The following STARD13 variants were observed in gnomAD, a reference collection of about 807,000 sequenced individuals.
STARD13 encodes stAR-related lipid transfer protein 13.
STARD13 carries 62 observed loss-of-function variants against 106.4 expected under a neutral mutation model. The ratio of observed to expected loss-of-function variants is 0.58; its 90% CI spans 0.48 to 0.72. The LOEUF (loss-of-function observed/expected upper bound fraction) is 0.72. STARD13 is among the 30% of genes least tolerant of loss of function. The pLI is 0.00. For synonymous variants in STARD13, 565 were observed against 553.0 expected (o/e 1.02, Z -0.31); for missense variants, 1,387 against 1,424.0 (o/e 0.97, Z 0.42).
chr13:33,340,624 C>T (rs559124069), intron 1 of STARD13, among the ~76,000 whole-genome samples: 3 of 152,230 alleles, frequency 2.0e-5, no homozygotes, highest in South Asian at 4.1e-4. Flanking sequence ...ACACAATATG[C>T]CATGATGCAC....
upstream of STARD13, among the ~76,000 whole-genome samples, chr13:33,287,112 CAT>C (rs1340522787): frequency 6.6e-6 from 1 of 152,144 alleles, no homozygotes; most frequent in Admixed American, 6.5e-5. Context: ...CTGACGGAAA[CAT>C]AGCCTGGCTG....
chr13:33,240,851 A>T (rs1460144420), intron 1 of STARD13, among the ~76,000 whole-genome samples: 2 of 151,964 alleles, frequency 1.3e-5, no homozygotes, highest in African/African-American at 2.4e-5. Flanking sequence ...TGTTTTCTTA[A>T]TTTCATTTTC....
chr13:33,524,561 GAGATC>G, the STARD13 span, among the ~76,000 whole-genome samples: 1 of 151,896 alleles, frequency 6.6e-6, no homozygotes, highest in Non-Finnish European at 1.5e-5. Flanking sequence ...TTTGGTTAGT[GAGATC>G]AGCCCCAGTA....
At chr13:33,316,932 G>T (rs1370605887) in intron 1 of STARD13, among the ~76,000 whole-genome samples, 1 of 152,102 alleles carries the variant, frequency 6.6e-6, no homozygotes, top group Non-Finnish European at 1.5e-5. Flanking sequence ...CGACCTCTCA[G>T]AAGTTTTTTG....
chr13:33,510,076 T>C, the STARD13 span, among the ~76,000 whole-genome samples: 3 of 152,200 alleles, frequency 2.0e-5, no homozygotes, highest in Non-Finnish European at 2.9e-5. Flanking sequence ...GTTGCCCTTC[T>C]CGCCTTTTCC....
the STARD13 span, among the ~76,000 whole-genome samples, chr13:33,519,261 TTTCTTTC>T: frequency 4.7e-5 from 7 of 148,248 alleles, no homozygotes; most frequent in Non-Finnish European, 1.0e-4. Flanking sequence ...TCTTTCTTTC[TTTCTTTC>T]TTTCTTTTCT....
chr13:33,127,878 T>A (rs773430323), intron 5 of STARD13, among the ~76,000 whole-genome samples: 506 of 84,170 alleles, frequency 6.0e-3, no homozygotes, highest in Middle Eastern at 0.023. Context: ...TGTGTGTGTG[T>A]GTATGTGAGA....
At chr13:33,526,431 T>C in the STARD13 span, among the ~76,000 whole-genome samples, 1 of 152,156 alleles carries the variant, frequency 6.6e-6, no homozygotes, top group Non-Finnish European at 1.5e-5. Flanking sequence ...TGAAACAGGG[T>C]GAACACTCAA....
chr13:33,139,591 T>A (rs927220906), intron 4 of STARD13, among the ~76,000 whole-genome samples: 3 of 152,210 alleles, frequency 2.0e-5, no homozygotes, highest in African/African-American at 7.2e-5. Context: ...ATTTCTTGGA[T>A]GGCTTAACAT....
chr13:33,263,731 T>A (rs958878886), intron 1 of STARD13, among the ~76,000 whole-genome samples: 10 of 152,118 alleles, frequency 6.6e-5, no homozygotes, highest in African/African-American at 2.4e-4. Flanking sequence ...CAAAAGAACA[T>A]CGCGTGATGA....
the STARD13 span, among the ~76,000 whole-genome samples, chr13:33,588,723 C>T: frequency 2.0e-5 from 3 of 152,170 alleles, no homozygotes; most frequent in Non-Finnish European, 4.4e-5. Context: ...GAAACATTTA[C>T]TCATCTTCAA....
the STARD13 span, among the ~76,000 whole-genome samples, chr13:33,553,841 G>A: frequency 6.6e-6 from 1 of 151,992 alleles, no homozygotes; most frequent in East Asian, 1.9e-4. Flanking sequence ...GCCTCCCAAA[G>A]TGCTGGGATT....
chr13:33,412,957 T>C, the STARD13 span, among the ~76,000 whole-genome samples: 2 of 152,176 alleles, frequency 1.3e-5, no homozygotes, highest in African/African-American at 4.8e-5. Context: ...ACTAATAGCA[T>C]ATAATTAATA....
intron 1 of STARD13, among the ~76,000 whole-genome samples, chr13:33,182,170 T>C (rs1031529061): frequency 1.1e-4 from 16 of 152,238 alleles, no homozygotes; most frequent in African/African-American, 3.6e-4. Flanking sequence ...TTGCACTTTA[T>C]GTATGCAAGG....
At chr13:33,318,554 A>G (rs998436049) in intron 1 of STARD13, among the ~76,000 whole-genome samples, 3 of 152,164 alleles carry the variant, frequency 2.0e-5, no homozygotes, top group African/African-American at 7.2e-5. Context: ...AAGCAATCAA[A>G]GAAAAATAGA....
At chr13:33,496,897 A>T in the STARD13 span, among the ~76,000 whole-genome samples, 21 of 152,218 alleles carry the variant, frequency 1.4e-4, no homozygotes, top group African/African-American at 3.8e-4. Flanking sequence ...AATTTTGGCT[A>T]TGTGATAAGC....
the STARD13 span, among the ~76,000 whole-genome samples, chr13:33,607,098 G>GTT: frequency 6.9e-5 from 9 of 130,948 alleles, no homozygotes; most frequent in African/African-American, 1.1e-4. Context: ...GGACAGTTTT[G>GTT]TTTTTTTTTT....
At chr13:33,242,406 G>A (rs1889572519) in intron 1 of STARD13, among the ~76,000 whole-genome samples, 1 of 152,198 alleles carries the variant, frequency 6.6e-6, no homozygotes, top group African/African-American at 2.4e-5. Flanking sequence ...TCTGTACTAA[G>A]AAAAATTCTT....
At chr13:33,336,933 T>C (rs2077904030) in intron 1 of STARD13, among the ~76,000 whole-genome samples, 2 of 152,028 alleles carry the variant, frequency 1.3e-5, no homozygotes, top group Admixed American at 6.5e-5. Context: ...TTGAAAGTAA[T>C]AGCAAAGACT....
Sources: gnomAD v4.1 joint callset for allele counts (sites outside exome capture counted in the v4.1 genomes callset) on GRCh38, gnomAD v4.1.1 for gene constraint, MANE v1.5 for transcripts, NCBI Gene and HGNC (gene_info 2026-07-23, HGNC 2026-07-21) for gene names.